Variants in ADAM19 observed in about 807,000 individuals in gnomAD.
The protein encoded by ADAM19 is ADAM metallopeptidase domain 19.
ADAM19 carries 65 observed loss-of-function variants against 114.7 expected under a neutral mutation model. The observed-to-expected ratio is 0.57, with a 90% confidence interval of 0.46 to 0.70. ADAM19 has a LOEUF of 0.70. Among genes scored for constraint, ADAM19 ranks in the 30% least tolerant of loss-of-function variants. The pLI is 0.00. For synonymous variants in ADAM19, 466 were observed against 460.5 expected, an observed-to-expected ratio of 1.01 and a Z score of -0.15; for missense variants, 1,063 against 1,204.7, an observed-to-expected ratio of 0.88 and a Z score of 1.74.
chr5:157,574,702 C>T (rs1046973946), intron 1 of ADAM19, among the ~76,000 whole-genome samples: 6 of 152,294 alleles, frequency 3.9e-5, no homozygotes, highest in Middle Eastern at 3.4e-3. Flanking sequence ...CCCCCCGGGA[C>T]CAAGCCTTCC....
rs1367124454 is a variant in ADAM19 at position 157,502,905 on chromosome 5, C to T, written c.1206G>A (p.Met402Ile). 1.2e-6 allele frequency: 2 copies of T among 1,614,184 alleles called. No homozygotes were observed. The highest frequency in any genetic ancestry group is 1.7e-6 in the Non-Finnish European group (2 of 1,180,030). The change falls in exon 12 of 23, where the codon ATG (methionine) becomes ATA (isoleucine). Residue 402 changes from methionine (M) to isoleucine (I), a missense_variant. This residue lies in a region of ADAM19 where 615 missense variants were observed against 706.3 expected (regional missense o/e 0.87). Coordinates refer to ENST00000257527, the MANE Select transcript of ADAM19 (RefSeq NM_033274.5). ...TGGTGTCTGGCATGTTGGAGAGACA[C>T]ATTCCACCACCTGACTGCAGATACC... ...LDRYLQSGGGMCLSNMPDTRM... is the reference protein window; with the variant it reads ...LDRYLQSGGGICLSNMPDTRM...
At chr5:157,533,857 T>C (rs919651727) in intron 4 of ADAM19, among the ~76,000 whole-genome samples, 2 of 151,974 alleles carry the variant, frequency 1.3e-5, no homozygotes, top group Non-Finnish European at 2.9e-5. Flanking sequence ...TCGTCCCAGC[T>C]ACTCGGAGAC....
intron 3 of ADAM19, among the ~76,000 whole-genome samples, chr5:157,552,750 CAG>C (rs1385438472): frequency 3.3e-5 from 5 of 149,984 alleles, no homozygotes; most frequent in African/African-American, 9.8e-5. Context: ...TTTGTTGCAG[CAG>C]AGTTTACAAT....
intron 7 of ADAM19, among the ~76,000 whole-genome samples, chr5:157,513,750 G>A (rs1444712522): frequency 3.3e-5 from 5 of 152,156 alleles, no homozygotes; most frequent in African/African-American, 4.8e-5. Flanking sequence ...AATTATGCAC[G>A]GAGTAGAATT....
At chr5:157,575,533 C>T in intron 1 of ADAM19, 70 bp downstream of exon 1, 1 of 1,225,116 alleles carries the variant, frequency 8.2e-7, no homozygotes, top group Non-Finnish European at 1.1e-6. Flanking sequence ...TCCCAGCGCT[C>T]CGGACCCGCA....
At chr5:157,570,174 C>T (rs185306444) in intron 2 of ADAM19, among the ~76,000 whole-genome samples, 4 of 152,322 alleles carry the variant, frequency 2.6e-5, no homozygotes, top group South Asian at 2.1e-4. Context: ...GCATGAGAAT[C>T]GCTTGAACCT....
intron 1 of ADAM19, 64 bp downstream of exon 1, chr5:157,575,539 C>T (rs1757949091): frequency 2.4e-6 from 3 of 1,266,576 alleles, no homozygotes; most frequent in Middle Eastern, 2.6e-4. Flanking sequence ...CGCTCCGGAC[C>T]CGCAAGGCTA....
chr5:157,574,303 TAGGAGC>T (rs1757909472), intron 1 of ADAM19, among the ~76,000 whole-genome samples: 1 of 152,232 alleles, frequency 6.6e-6, no homozygotes, highest in African/African-American at 2.4e-5. Context: ...GCGCCTGTGC[TAGGAGC>T]AGTAACTAGC....
intron 3 of ADAM19, among the ~76,000 whole-genome samples, chr5:157,561,522 G>C (rs1207218243): frequency 6.6e-6 from 1 of 152,186 alleles, no homozygotes. Context: ...TGAGAATCCA[G>C]TGTATGGGGA....
intron 3 of ADAM19, among the ~76,000 whole-genome samples, chr5:157,556,771 T>C (rs1325018647): frequency 6.6e-6 from 1 of 152,250 alleles, no homozygotes; most frequent in Non-Finnish European, 1.5e-5. Flanking sequence ...CATTATAAAA[T>C]GCAGACAACA....
At chr5:157,564,193 A>G (rs1757588190) in intron 3 of ADAM19, among the ~76,000 whole-genome samples, 180 bp downstream of exon 3, 1 of 152,198 alleles carries the variant, frequency 6.6e-6, no homozygotes. Flanking sequence ...CAGCAATCTC[A>G]CATCGAGTCA....
intron 5 of ADAM19, among the ~76,000 whole-genome samples, chr5:157,522,828 C>A (rs1340521802): frequency 6.6e-6 from 1 of 152,080 alleles, no homozygotes; most frequent in Non-Finnish European, 1.5e-5. Context: ...TAGAAAGATA[C>A]CACCAGTCTA....
chr5:157,481,541 C>T, intron 22 of ADAM19: 2 of 1,418,320 alleles, frequency 1.4e-6, no homozygotes, highest in Non-Finnish European at 1.9e-6. Context: ...GGGTCCCTCC[C>T]CAGGTCAGGT....
At chr5:157,527,019 G>T (rs115983792) in intron 5 of ADAM19, among the ~76,000 whole-genome samples, 42 of 152,134 alleles carry the variant, frequency 2.8e-4, no homozygotes, top group South Asian at 4.1e-4. Flanking sequence ...ATATTAGTCC[G>T]TTTTCACACT....
chr5:157,520,923 G>A (rs912710628), intron 5 of ADAM19, among the ~76,000 whole-genome samples: 1 of 152,226 alleles, frequency 6.6e-6, no homozygotes, highest in African/African-American at 2.4e-5. Flanking sequence ...CTGGAAGACA[G>A]TCACAAACAT....
chr5:157,505,852 C>T, intron 10 of ADAM19, 44 bp from the exon 11 acceptor site: 3 of 1,592,536 alleles, frequency 1.9e-6, no homozygotes, highest in South Asian at 1.1e-5. Flanking sequence ...GGGGACAGAT[C>T]TGCCTCTGCC....
intron 3 of ADAM19, among the ~76,000 whole-genome samples, chr5:157,550,686 GAA>G (rs60281885): frequency 1.1e-4 from 16 of 139,830 alleles, no homozygotes; most frequent in East Asian, 4.2e-4. Flanking sequence ...AAGCTGTTTG[GAA>G]AAAAAAAAAA....
At chr5:157,543,037 A>C (rs1756959796) in intron 3 of ADAM19, among the ~76,000 whole-genome samples, 2 of 152,168 alleles carry the variant, frequency 1.3e-5, no homozygotes, top group Admixed American at 1.3e-4. Flanking sequence ...GATAACCCCA[A>C]AGGTTATGAT....
chr5:157,535,662 C>T (rs1290941013), intron 4 of ADAM19, among the ~76,000 whole-genome samples: 1 of 152,220 alleles, frequency 6.6e-6, no homozygotes, highest in Non-Finnish European at 1.5e-5. Flanking sequence ...TTCTGAAAGG[C>T]CCTTACAACA....
Sources: allele counts gnomAD v4.1 joint callset (sites outside exome capture counted in the v4.1 genomes callset), GRCh38; gene constraint gnomAD v4.1.1; regional missense constraint gnomAD v4.1.1; transcripts MANE v1.5; gene names NCBI Gene and HGNC (gene_info 2026-07-23, HGNC 2026-07-21).